Variants in ATXN8OS observed in about 807,000 individuals in gnomAD.
ATXN8OS encodes the protein ATXN8 opposite strand (non-protein coding).
intron 3 of ATXN8OS, chr13:70,130,805 T>C (rs1888521231): frequency 2.5e-6 from 1 of 398,536 alleles, no homozygotes; most frequent in Non-Finnish European, 4.4e-6. Flanking sequence ...CCTGCAGAAC[T>C]GGGACCCCAA....
At chr13:70,130,938 AAAGG>A (rs1376554943) in intron 3 of ATXN8OS, 1 of 398,390 alleles carries the variant, frequency 2.5e-6, no homozygotes, top group African/African-American at 2.1e-5. Context: ...TGGAAAAAAT[AAAGG>A]AAGATGACGT....
intron 2 of ATXN8OS, among the ~76,000 whole-genome samples, chr13:70,120,538 A>G (rs1476514768): frequency 6.6e-6 from 1 of 152,194 alleles, no homozygotes; most frequent in Non-Finnish European, 1.5e-5. Flanking sequence ...TTAGGCATAT[A>G]ACCATGCACT....
intron 3 of ATXN8OS, chr13:70,139,507 G>A: frequency 1.9e-6 from 1 of 536,838 alleles, no homozygotes; most frequent in Non-Finnish European, 3.3e-6. Context: ...TCCTCATACT[G>A]CTTATCTCTT....
intron 4 of ATXN8OS, among the ~76,000 whole-genome samples, chr13:70,163,202 T>C (rs376037081): frequency 6.6e-6 from 1 of 152,206 alleles, no homozygotes; most frequent in African/African-American, 2.4e-5. Flanking sequence ...CATTTAATAA[T>C]CCAACTGGCC....
chr13:70,152,348 T>C (rs1888878593), intron 4 of ATXN8OS, among the ~76,000 whole-genome samples: 1 of 6,806 alleles, frequency 1.5e-4, no homozygotes, highest in African/African-American at 2.0e-4. Flanking sequence ...ACTCTGTACC[T>C]GTGTGTGTGT....
At chr13:70,158,223 G>C (rs1057299653) in intron 4 of ATXN8OS, among the ~76,000 whole-genome samples, 1 of 152,050 alleles carries the variant, frequency 6.6e-6, no homozygotes, top group African/African-American at 2.4e-5. Context: ...TTTGAGACCA[G>C]CCTGGCCAAT....
intron 1 of ATXN8OS, among the ~76,000 whole-genome samples, chr13:70,113,999 A>C (rs1055179472): frequency 2.3e-4 from 35 of 152,204 alleles, no homozygotes; most frequent in African/African-American, 8.2e-4. Context: ...TTTTTAGTTA[A>C]TCTGTTTTAG....
At chr13:70,120,402 A>G (rs961156977) in intron 2 of ATXN8OS, among the ~76,000 whole-genome samples, 13 of 152,152 alleles carry the variant, frequency 8.5e-5, no homozygotes, top group African/African-American at 2.9e-4. Flanking sequence ...GAACAAGACC[A>G]TCTAATATAG....
chr13:70,158,808 TTTA>T (rs1888967690), intron 4 of ATXN8OS, among the ~76,000 whole-genome samples: 1 of 152,170 alleles, frequency 6.6e-6, no homozygotes, highest in African/African-American at 2.4e-5. Context: ...GCCCTGACCG[TTTA>T]AAAACATTAA....
At chr13:70,143,619 A>G (rs1399840959) in intron 3 of ATXN8OS, among the ~76,000 whole-genome samples, 1 of 152,202 alleles carries the variant, frequency 6.6e-6, no homozygotes, top group Non-Finnish European at 1.5e-5. Context: ...GTGCTTAATT[A>G]GAGAGAACTT....
chr13:70,129,981 G>A (rs562992518), intron 3 of ATXN8OS: 1 of 395,862 alleles, frequency 2.5e-6, no homozygotes, highest in East Asian at 3.6e-5. Flanking sequence ...TCAACTACAT[G>A]TTAGTCAATT....
At chr13:70,137,085 A>T (rs1276722620) in intron 3 of ATXN8OS, among the ~76,000 whole-genome samples, 1 of 152,232 alleles carries the variant, frequency 6.6e-6, no homozygotes, top group Admixed American at 6.5e-5. Context: ...TCATCGAGAA[A>T]GACTTGTTCT....
At chr13:70,157,682 C>T (rs867701760) in intron 4 of ATXN8OS, among the ~76,000 whole-genome samples, 50 of 152,034 alleles carry the variant, frequency 3.3e-4, no homozygotes, top group African/African-American at 1.1e-3. Flanking sequence ...TACTGGTACA[C>T]GGAGAACCTT....
At chr13:70,126,991 A>G (rs1888448574) in intron 2 of ATXN8OS, among the ~76,000 whole-genome samples, 1 of 151,798 alleles carries the variant, frequency 6.6e-6, no homozygotes, top group Non-Finnish European at 1.5e-5. Context: ...CAACTATAAT[A>G]TGTTTTGGAT....
At chr13:70,156,201 A>G (rs1888934030) in intron 4 of ATXN8OS, among the ~76,000 whole-genome samples, 1 of 151,768 alleles carries the variant, frequency 6.6e-6, no homozygotes. Context: ...ATTTTCTTTC[A>G]AGAGCAGACT....
intron 4 of ATXN8OS, among the ~76,000 whole-genome samples, chr13:70,159,023 C>T (rs1888969433): frequency 6.6e-6 from 1 of 151,518 alleles, no homozygotes; most frequent in South Asian, 2.1e-4. Flanking sequence ...TCATGTATAT[C>T]ATATATATTT....
intron 3 of ATXN8OS, among the ~76,000 whole-genome samples, chr13:70,137,181 T>A (rs1888630461): frequency 1.3e-5 from 2 of 152,204 alleles, no homozygotes; most frequent in African/African-American, 4.8e-5. Flanking sequence ...GTCACTGGTT[T>A]ATTTCTTTAA....
At chr13:70,144,731 G>T (rs1240773740) in intron 3 of ATXN8OS, among the ~76,000 whole-genome samples, 2 of 151,944 alleles carry the variant, frequency 1.3e-5, no homozygotes, top group Non-Finnish European at 2.9e-5. Context: ...TATTTCATGG[G>T]TTGTGCCTTT....
intron 1 of ATXN8OS, among the ~76,000 whole-genome samples, chr13:70,112,606 T>G (rs1888212069): frequency 6.6e-6 from 1 of 152,110 alleles, no homozygotes; most frequent in Non-Finnish European, 1.5e-5. Flanking sequence ...AGGTATTCAT[T>G]GATCCCCAGG....
Sources: gnomAD v4.1 joint callset for allele counts (sites outside exome capture counted in the v4.1 genomes callset) on GRCh38, gnomAD v4.1.1 for gene constraint, MANE v1.5 for transcripts, NCBI Gene and HGNC (gene_info 2026-07-23, HGNC 2026-07-21) for gene names.